The following MIER2 variants were observed in gnomAD, a reference collection of about 807,000 sequenced individuals.
MIER2 encodes mesoderm induction early response protein 2.
A neutral mutation model predicts 67.6 loss-of-function variants in MIER2; 30 were observed. That is an observed-to-expected ratio of 0.44 (90% confidence interval 0.33 to 0.60). The LOEUF (loss-of-function observed/expected upper bound fraction) is 0.60, where lower values mean the gene tolerates loss of function less well. MIER2 is among the 20% of genes least tolerant of loss of function. MIER2 has a pLI of 0.02. For missense variants in MIER2, 702 were observed against 745.1 expected (o/e 0.94, Z 0.67); for synonymous variants, 372 against 312.6 (o/e 1.19, Z -2.00).
intron 1 of MIER2, among the ~76,000 whole-genome samples, chr19:337,943 G>A (rs529420626): frequency 1.9e-4 from 29 of 150,710 alleles, no homozygotes; most frequent in Admixed American, 1.6e-3. Flanking sequence ...GGAGGCCGAG[G>A]TGGGCAGATC....
At chr19:322,047 G>A (rs1442068920) in intron 7 of MIER2, among the ~76,000 whole-genome samples, 1 of 152,076 alleles carries the variant, frequency 6.6e-6, no homozygotes, top group Admixed American at 6.6e-5. Flanking sequence ...TGGGACTACA[G>A]GTGCCCGCCA....
intron 2 of MIER2, among the ~76,000 whole-genome samples, chr19:335,120 T>C (rs1972180593): frequency 6.6e-6 from 1 of 152,244 alleles, no homozygotes. Flanking sequence ...CCGAAAGAAC[T>C]GGGATGTGTC....
rs372021700 is a variant in MIER2, at chr19:306,737, G to A, written c.1617-26C>T. 816 of 1,557,214 alleles carry A rather than the reference G, an allele frequency of 5.2e-4. 1 individual carries two copies. The highest frequency in any genetic ancestry group is 6.5e-4 in the Non-Finnish European group (746 of 1,150,402). On this transcript the variant is annotated intron_variant, in intron 13 of 13. Transcript: ENST00000264819. Reference sequence around the variant, plus strand: ...CTGCAGGGGAGAGACCAAGAGAGACGCAGAGAGTGTCAGTGCGGCCCCACG... The same window carrying A: ...CTGCAGGGGAGAGACCAAGAGAGACACAGAGAGTGTCAGTGCGGCCCCACG...
At chr19:311,425 G>A (rs1970994259) in intron 10 of MIER2, among the ~76,000 whole-genome samples, 1 of 152,176 alleles carries the variant, frequency 6.6e-6, no homozygotes, top group Non-Finnish European at 1.5e-5. Context: ...TTTGTCCCGG[G>A]TGGCAGGACC....
chr19:322,352 T>C (rs892692145), intron 7 of MIER2, among the ~76,000 whole-genome samples: 1 of 152,128 alleles, frequency 6.6e-6, no homozygotes, highest in South Asian at 2.1e-4. Flanking sequence ...ACACACATTA[T>C]TATTCAAATA....
intron 3 of MIER2, among the ~76,000 whole-genome samples, chr19:330,960 C>T (rs1194278438): frequency 1.3e-5 from 2 of 152,166 alleles, no homozygotes; most frequent in African/African-American, 4.8e-5. Context: ...CCACAATTAT[C>T]CGAAAAGCTG....
chr19:309,486 A>G (rs1033605016), intron 10 of MIER2, among the ~76,000 whole-genome samples: 12 of 152,192 alleles, frequency 7.9e-5, no homozygotes, highest in Admixed American at 2.0e-4. Context: ...AGAAGGACAC[A>G]TGGGTTCTGT....
Position 313,484 on chromosome 19 carries a change from G to T in MIER2, c.807+8C>A. 1 of 1,609,520 alleles carries T rather than the reference G, an allele frequency of 6.2e-7. No homozygotes were observed. On this transcript the variant is annotated splice_region_variant and intron_variant, in intron 8 of 13. Coordinates refer to ENST00000264819, the MANE Select transcript of MIER2 (RefSeq NM_017550.3). Reference sequence around the variant, plus strand: ...CAGCCCCTCTGTCCCCGGCATGGCAGCCCCCACCTGCTCACTGTCTTTCAC... The same window carrying T: ...CAGCCCCTCTGTCCCCGGCATGGCATCCCCCACCTGCTCACTGTCTTTCAC...
chr19:334,722 T>G (rs1600168580), intron 2 of MIER2, among the ~76,000 whole-genome samples, 180 bp from the exon 3 acceptor site: 1 of 152,186 alleles, frequency 6.6e-6, no homozygotes. Flanking sequence ...GCACGGCTGG[T>G]GAGCTGCACA....
Position 327,126 on chromosome 19 carries a change from C to A in MIER2, c.493+7G>T. 6.3e-7 allele frequency: 1 copy of A among 1,577,488 alleles called. No homozygotes were observed. The highest frequency in any genetic ancestry group is 1.2e-5 in the South Asian group (1 of 84,986). On this transcript the variant is annotated splice_region_variant and intron_variant, in intron 5 of 13. Coordinates refer to ENST00000264819, the MANE Select transcript of MIER2 (RefSeq NM_017550.3). ...CTGCGGTGGAGTATGGGGACAGAGT[C>A]ACCTACATCCACTCCGGTTAGGGAA...
rs557574031 is a variant in MIER2 at position 305,693 on chromosome 19, G to A, written c.*997C>T. ...TCGAGTCCAACTCGGAAAGGGGCTCGAGCACAAGAGGCCGGACGACACCCG... is the reference window on the plus strand; with the variant it reads ...TCGAGTCCAACTCGGAAAGGGGCTCAAGCACAAGAGGCCGGACGACACCCG... On this transcript the variant is annotated 3_prime_UTR_variant, in exon 14 of 14. Transcript: ENST00000264819. 11 of 152,682 alleles carry A rather than the reference G, an allele frequency of 7.2e-5. No individual in the cohort carries two copies. The highest frequency in any genetic ancestry group is 2.6e-4 in the Admixed American group (4 of 15,310). The allele number at this position is 152,682 out of a possible 1,614,324, so 9.5% of individuals were successfully genotyped here.
In MIER2 at chr19:334,468, C is replaced by G. The variant is rs375363029; in HGVS notation, c.175G>C (p.Glu59Gln). 15 of 1,614,010 alleles carry G rather than the reference C, an allele frequency of 9.3e-6. No individual in the cohort carries two copies. The African/African-American group carries it at 1.7e-4, about 19-fold the overall frequency. ...GGGCACCTCGAGGCCTCCTCGCACT[C>G]CCCCCTAACACTGTAGTTCTGTGAC... ...ILSQNYSVRG[E>Q]CEEASRCPDK... is the part of the protein sequence containing the mutation. The change falls in exon 3 of 14, where the codon GAG becomes CAG. Residue 59 changes from glutamate to glutamine, a missense_variant. Glu to Gln is a conservative substitution (Grantham distance 29). Around this residue, in one of 3 missense-constraint regions of MIER2, gnomAD observed 320 missense variants for 292.6 expected, o/e 1.09. Transcript: ENST00000264819.
Position 308,761 on chromosome 19 carries a change from G to A in MIER2, c.1109+40C>T. The A allele has an allele frequency of 6.3e-7, 1 of 1,593,936 alleles. No homozygotes were observed. The highest frequency in any genetic ancestry group is 8.6e-7 in the Non-Finnish European group (1 of 1,165,360). On this transcript the variant is annotated intron_variant, in intron 11 of 13. Coordinates refer to ENST00000264819, the MANE Select transcript of MIER2 (RefSeq NM_017550.3). This position sits in a 1 kb window ranked among gnomAD's most constrained non-coding sequence, Gnocchi z 9.1. The stretch of plus-strand genomic sequence containing the variant: ...CGCCCACGTGCCCACCCCCGGCGGG[G>A]TGGCCGCCTGTCGTTACTGCTGGGG...
intron 10 of MIER2, among the ~76,000 whole-genome samples, chr19:310,306 G>A (rs545468548): frequency 3.9e-4 from 60 of 152,344 alleles, no homozygotes; most frequent in African/African-American, 1.2e-3. Flanking sequence ...CGAGAACAAC[G>A]TGGGGTCCTG....
chr19:332,165 G>A lies in MIER2; in HGVS notation c.243+2235C>T, dbSNP rs576942536. ...CTCCTGAGTAGCTAGGACTACAGAC[G>A]TGCACCACCACGCCTGGCAATTTTC... On this transcript the variant is annotated intron_variant, in intron 3 of 13. Transcript: ENST00000264819. Among the ~76,000 whole-genome samples the A allele has an allele frequency of 1.1e-3, 171 of 151,874 alleles. 2 individuals carry two copies. The highest frequency in any genetic ancestry group is 3.2e-3 in the Admixed American group (48 of 15,234).
At chr19:330,567 A>C (rs1456188001) in intron 3 of MIER2, among the ~76,000 whole-genome samples, 4 of 151,858 alleles carry the variant, frequency 2.6e-5, no homozygotes, top group East Asian at 1.9e-4. Context: ...AAAAAAAAAA[A>C]AAAAAACTTA....
intron 1 of MIER2, chr19:344,184 G>GCAGA: frequency 1.4e-5 from 14 of 985,422 alleles, no homozygotes; most frequent in Non-Finnish European, 1.7e-5. Flanking sequence ...CTAGGCCCCG[G>GCAGA]CAGACCCACC....
At chr19:313,669 G>C (rs569861736) in intron 7 of MIER2, 26 bp from the exon 8 acceptor site, 4 of 1,601,282 alleles carry the variant, frequency 2.5e-6, no homozygotes, top group Admixed American at 1.7e-5. Flanking sequence ...GCAAAGGTCA[G>C]CTTGCAGGAA....
chr19:341,909 G>A (rs1052470814), intron 1 of MIER2, among the ~76,000 whole-genome samples: 3 of 152,184 alleles, frequency 2.0e-5, no homozygotes, highest in African/African-American at 7.2e-5. Context: ...ACTGGGTGCA[G>A]AGCACAGACC....
Sources: allele counts gnomAD v4.1 joint callset (sites outside exome capture counted in the v4.1 genomes callset), GRCh38; gene constraint gnomAD v4.1.1; regional missense constraint gnomAD v4.1.1; non-coding constraint Gnocchi (gnomAD v3.1); transcripts MANE v1.5; gene names NCBI Gene and HGNC (gene_info 2026-07-23, HGNC 2026-07-21).